The following DLG2 variants were observed in gnomAD, a reference collection of about 807,000 sequenced individuals.
DLG2 encodes discs large MAGUK scaffold protein 2, also known as disks large homolog 2.
Under a neutral mutation model 132.5 loss-of-function variants are expected in DLG2, and 45 were observed. The ratio of observed to expected loss-of-function variants is 0.34; its 90% confidence interval spans 0.27 to 0.44. DLG2 has a LOEUF of 0.44. DLG2 is among the 20% of genes least tolerant of loss of function. The pLI, the probability that DLG2 is intolerant of heterozygous loss-of-function variation, is 1.00. For synonymous variants in DLG2, 424 were observed against 419.6 expected, an observed-to-expected ratio of 1.01 and a Z score of -0.13; for missense variants, 1,045 against 1,196.9, an observed-to-expected ratio of 0.87 and a Z score of 1.87.
intron 4 of DLG2, among the ~76,000 whole-genome samples, chr11:85,162,604 T>C (rs2078117734): frequency 6.6e-6 from 1 of 152,238 alleles, no homozygotes; most frequent in South Asian, 2.1e-4. Flanking sequence ...CCTTTTTCCT[T>C]TATTATGTGA....
At chr11:83,915,556 C>A (rs868614286) in intron 15 of DLG2, among the ~76,000 whole-genome samples, 18 of 152,084 alleles carry the variant, frequency 1.2e-4, no homozygotes, top group Middle Eastern at 3.4e-3. Flanking sequence ...AATCTGAAAA[C>A]CTTCTTCTGA....
intron 3 of DLG2, among the ~76,000 whole-genome samples, chr11:85,464,214 T>C (rs188600743): frequency 6.6e-6 from 1 of 152,312 alleles, no homozygotes; most frequent in East Asian, 1.9e-4. Flanking sequence ...TCTATGCATT[T>C]TGTAATCACC....
At chr11:85,156,684 C>A (rs958270437) in intron 4 of DLG2, among the ~76,000 whole-genome samples, 16 of 152,208 alleles carry the variant, frequency 1.1e-4, no homozygotes, top group Admixed American at 5.9e-4. Context: ...ATTGAGCCTG[C>A]ACTGTCACCA....
chr11:85,466,693 T>G (rs186280243), intron 3 of DLG2, among the ~76,000 whole-genome samples: 3 of 152,246 alleles, frequency 2.0e-5, no homozygotes, highest in Non-Finnish European at 4.4e-5. Context: ...ACCAGTAGCA[T>G]GCTGTTTTGG....
intron 9 of DLG2, among the ~76,000 whole-genome samples, chr11:84,128,901 A>T (rs962525563): frequency 3.3e-5 from 5 of 152,168 alleles, no homozygotes; most frequent in Admixed American, 1.3e-4. Context: ...TATAAAATAG[A>T]TCACCTTTTT....
At chr11:84,450,197 C>G (rs1478233656) in intron 7 of DLG2, among the ~76,000 whole-genome samples, 1 of 151,728 alleles carries the variant, frequency 6.6e-6, no homozygotes, top group Non-Finnish European at 1.5e-5. Context: ...TTTTCAAACC[C>G]TGTCTGACTC....
chr11:83,631,244 C>T (rs2063516719), intron 19 of DLG2: 1 of 104,548 alleles, frequency 9.6e-6, no homozygotes, highest in Non-Finnish European at 1.9e-5. Context: ...TAAGTTCTTT[C>T]TTTCTGATTT....
intron 7 of DLG2, among the ~76,000 whole-genome samples, chr11:84,468,434 C>T (rs1046783949): frequency 1.3e-5 from 2 of 151,462 alleles, no homozygotes; most frequent in African/African-American, 4.8e-5. Flanking sequence ...GTAATCCTCC[C>T]TGTGCATGTT....
At chr11:83,925,345 G>T (rs143634196) in intron 15 of DLG2, among the ~76,000 whole-genome samples, 2 of 152,178 alleles carry the variant, frequency 1.3e-5, no homozygotes, top group East Asian at 3.9e-4. Flanking sequence ...TTCTGGTTCT[G>T]AGTGCTGCCT....
intron 6 of DLG2, among the ~76,000 whole-genome samples, chr11:84,719,239 A>G (rs191975010): frequency 5.3e-5 from 8 of 152,344 alleles, no homozygotes; most frequent in African/African-American, 1.7e-4. Context: ...GGTGCTTACC[A>G]GCTGTCCAAT....
intron 6 of DLG2, among the ~76,000 whole-genome samples, chr11:85,056,762 A>G (rs1320094212): frequency 9.2e-5 from 14 of 152,026 alleles, no homozygotes; most frequent in Non-Finnish European, 1.6e-4. Flanking sequence ...CATTAATTAT[A>G]AAGAAGCAAA....
chr11:83,610,364 C>G (rs1046796808), intron 19 of DLG2, among the ~76,000 whole-genome samples: 1 of 152,198 alleles, frequency 6.6e-6, no homozygotes, highest in Non-Finnish European at 1.5e-5. Context: ...CTGCACGAAT[C>G]TGTATCAGTG....
intron 11 of DLG2, among the ~76,000 whole-genome samples, chr11:84,043,504 C>T (rs2853023): frequency 0.87 from 132,170 of 151,650 alleles, 57,849 homozygotes; most frequent in Middle Eastern, 0.93. Context: ...TGGTACTCAA[C>T]AGTTATCTTT....
chr11:84,014,887 C>A (rs1404201471), intron 11 of DLG2, among the ~76,000 whole-genome samples: 2 of 151,380 alleles, frequency 1.3e-5, no homozygotes, highest in Non-Finnish European at 2.9e-5. Context: ...AGGCCAACAT[C>A]TACACAGCAT....
chr11:84,325,336 T>C (rs1246097647), intron 7 of DLG2, among the ~76,000 whole-genome samples: 1 of 152,140 alleles, frequency 6.6e-6, no homozygotes, highest in East Asian at 1.9e-4. Context: ...ACATTAGGTA[T>C]TTCTCTAATG....
chr11:83,900,277 A>G (rs1184160479), intron 15 of DLG2, among the ~76,000 whole-genome samples: 2 of 152,222 alleles, frequency 1.3e-5, no homozygotes, highest in African/African-American at 4.8e-5. Flanking sequence ...ATAAAATCCC[A>G]TTTTCTCAGA....
intron 6 of DLG2, among the ~76,000 whole-genome samples, chr11:84,556,651 G>A (rs1454981027): frequency 6.6e-6 from 1 of 152,212 alleles, no homozygotes; most frequent in Non-Finnish European, 1.5e-5. Context: ...GACAAGCTGG[G>A]TTAGAGGGTG....
chr11:84,394,522 T>A (rs73523705), intron 7 of DLG2, among the ~76,000 whole-genome samples: 1,566 of 152,286 alleles, frequency 0.01, 32 homozygotes, highest in African/African-American at 0.036. Flanking sequence ...CCATGCTATG[T>A]CTGGGTGCAG....
chr11:85,394,285 C>T (rs1035370652), intron 3 of DLG2, among the ~76,000 whole-genome samples: 1 of 152,156 alleles, frequency 6.6e-6, no homozygotes, highest in Non-Finnish European at 1.5e-5. Context: ...TCATGTGGTA[C>T]ACCATAAATA....
Sources: gnomAD v4.1 joint callset for allele counts (sites outside exome capture counted in the v4.1 genomes callset) on GRCh38, gnomAD v4.1.1 for gene constraint, MANE v1.5 for transcripts, NCBI Gene and HGNC (gene_info 2026-07-23, HGNC 2026-07-21) for gene names.